The following SEMA3D variants were observed in gnomAD, a reference collection of about 807,000 sequenced individuals.
The protein encoded by SEMA3D is semaphorin 3D.
SEMA3D carries 84 observed loss-of-function variants against 100.1 expected under a neutral mutation model. The ratio of observed to expected loss-of-function variants is 0.84; its 90% CI spans 0.70 to 1.01. The LOEUF (loss-of-function observed/expected upper bound fraction) is 1.01. Ranked by LOEUF, SEMA3D falls within the 50% of genes least tolerant of loss-of-function variation. The pLI is 0.00. For synonymous variants in SEMA3D, 312 were observed against 320.7 expected (o/e 0.97, Z 0.29); for missense variants, 875 against 934.1 (o/e 0.94, Z 0.82).
At chr7:85,171,407 T>C (rs1264261820) in intron 1 of SEMA3D, among the ~76,000 whole-genome samples, 2 of 151,846 alleles carry the variant, frequency 1.3e-5, no homozygotes, top group African/African-American at 2.4e-5. Flanking sequence ...ATGATGGAGC[T>C]AGAAAGGGAA....
chr7:85,126,634 A>G (rs949082207), intron 2 of SEMA3D, among the ~76,000 whole-genome samples: 1 of 151,966 alleles, frequency 6.6e-6, no homozygotes, highest in Admixed American at 6.6e-5. Flanking sequence ...TGCTGCTCCT[A>G]TTTTGAGCTA....
chr7:85,013,241 A>G (rs1480612047), intron 16 of SEMA3D, among the ~76,000 whole-genome samples: 2 of 151,808 alleles, frequency 1.3e-5, no homozygotes, highest in Non-Finnish European at 2.9e-5. Context: ...AAAAGCGTTC[A>G]GTCAGTGGCT....
intron 3 of SEMA3D, among the ~76,000 whole-genome samples, chr7:85,108,599 T>C (rs1435585752): frequency 6.6e-6 from 1 of 152,068 alleles, no homozygotes; most frequent in Non-Finnish European, 1.5e-5. Flanking sequence ...AACTGCAGCT[T>C]GAACCACACC....
At chr7:85,152,922 C>T (rs973144805) in intron 2 of SEMA3D, among the ~76,000 whole-genome samples, 3 of 152,088 alleles carry the variant, frequency 2.0e-5, no homozygotes, top group African/African-American at 7.2e-5. Flanking sequence ...GACACTGTGA[C>T]ATGTTCAAAT....
chr7:85,080,136 A>T (rs899917226), intron 5 of SEMA3D, among the ~76,000 whole-genome samples: 2 of 152,216 alleles, frequency 1.3e-5, no homozygotes, highest in Non-Finnish European at 2.9e-5. Context: ...ATATAAAATC[A>T]GGGGTCACTA....
intron 1 of SEMA3D, among the ~76,000 whole-genome samples, chr7:85,168,960 T>C (rs1791008997): frequency 6.6e-6 from 1 of 151,612 alleles, no homozygotes; most frequent in South Asian, 2.1e-4. Context: ...TTGTGCTCAG[T>C]TGTCCATGTA....
rs1349347855 is a variant in SEMA3D, at chr7:85,101,435, T to C, written c.152-3470A>G. On this transcript the variant is annotated intron_variant, in intron 3 of 18. Coordinates refer to ENST00000284136, the MANE Select transcript of SEMA3D (RefSeq NM_001384900.1). ...AATGAGTAAGAATATGAATTTTAGG[T>C]TCAGGCCACCAGGGCATTATCCTGC... Among the ~76,000 whole-genome samples the C allele has an allele frequency of 2.0e-5, 3 of 152,012 alleles. No individual in the cohort carries two copies. In the East Asian group the frequency reaches 5.8e-4, roughly 29 times the overall value.
intron 4 of SEMA3D, among the ~76,000 whole-genome samples, chr7:85,096,337 G>C: frequency 6.6e-6 from 1 of 151,948 alleles, no homozygotes; most frequent in Middle Eastern, 3.4e-3. Context: ...GATTAGAATG[G>C]AGGACAAACT....
At chr7:85,157,813 C>T (rs1790640854) in intron 1 of SEMA3D, 1 of 162,580 alleles carries the variant, frequency 6.2e-6, no homozygotes, top group South Asian at 2.0e-4. Context: ...AATTCAGGGA[C>T]CCTGAACGTA....
In SEMA3D at chr7:85,005,623, A is replaced by AT. The variant is rs1384262405; in HGVS notation, c.1908+1178dup. Among the ~76,000 whole-genome samples the AT allele has an allele frequency of 2.6e-5, 4 of 152,106 alleles. No individual in the cohort carries two copies. In the East Asian group the frequency reaches 5.8e-4, roughly 22 times the overall value. On this transcript the variant is annotated intron_variant, in intron 18 of 18. Coordinates refer to ENST00000284136, the MANE Select transcript of SEMA3D (RefSeq NM_001384900.1). ...AATTAATTTCTTATGATAAAATTTG[A>AT]TTTTTTTACTTGAAGGTTTCTTAAC...
At chr7:85,064,922 C>A (rs1791574312) in intron 8 of SEMA3D, among the ~76,000 whole-genome samples, 1 of 151,736 alleles carries the variant, frequency 6.6e-6, no homozygotes, top group Non-Finnish European at 1.5e-5. Context: ...ATGTCTTAAC[C>A]CAAGTGTATA....
chr7:85,138,835 C>T (rs904979438), intron 2 of SEMA3D, among the ~76,000 whole-genome samples: 11 of 151,298 alleles, frequency 7.3e-5, no homozygotes, highest in African/African-American at 2.7e-4. Context: ...TGACAGGCCC[C>T]GATGTGTGAT....
chr7:85,121,748 G>C lies in SEMA3D; in HGVS notation c.144C>G (p.Thr48=), dbSNP rs756970653. 3 of 1,562,460 alleles carry C rather than the reference G, an allele frequency of 1.9e-6. No individual in the cohort carries two copies. The highest frequency in any genetic ancestry group is 1.2e-5 in the South Asian group (1 of 85,040). The change falls in exon 3 of 19, where the codon ACC becomes ACG. Residue 48 remains threonine, a synonymous_variant. Transcript: ENST00000284136. ...LKQNIPRLKL[T]YKDLLLSNSC... ...AAATATGTATATATTTACCTTTGTA[G>C]GTTAGCTTGAGTCTTGGAATATTTT...
Position 85,066,607 on chromosome 7 carries a change from T to C in SEMA3D, c.590-1055A>G, listed in dbSNP as rs1791628379. ...TCTACTATTTCAAGAAACTTCTTAG[T>C]CAACCACTTTGCTTTACATTTAATA... On this transcript the variant is annotated intron_variant, in intron 7 of 18. Transcript: ENST00000284136. Among the ~76,000 whole-genome samples the C allele has an allele frequency of 3.3e-5, 5 of 152,104 alleles. No homozygotes were observed. In the South Asian group the frequency reaches 1.0e-3, roughly 31 times the overall value.
chr7:85,037,201 C>A (rs1790724780), intron 11 of SEMA3D, among the ~76,000 whole-genome samples, 168 bp from the exon 12 acceptor site: 1 of 152,238 alleles, frequency 6.6e-6, no homozygotes, highest in South Asian at 2.1e-4. Flanking sequence ...TACAGCCAAG[C>A]AATTCTAAAT....
In SEMA3D at chr7:85,072,700, A is replaced by C. The variant is rs573581833; in HGVS notation, c.495+262T>G. Among the ~76,000 whole-genome samples, 5 of 152,344 alleles carry C rather than the reference A, an allele frequency of 3.3e-5. 1 individual carries two copies. The highest frequency in any genetic ancestry group is 6.8e-3 in the Middle Eastern group (2 of 294). ...AATGGCTAGGAACATGAGTTACTAT[A>C]TCGTTCATAAACTATTCATTTTTTG... On this transcript the variant is annotated intron_variant, in intron 6 of 18. Coordinates refer to ENST00000284136, the MANE Select transcript of SEMA3D (RefSeq NM_001384900.1).
chr7:85,076,875 C>A (rs1251190302), intron 5 of SEMA3D, among the ~76,000 whole-genome samples: 1 of 152,028 alleles, frequency 6.6e-6, no homozygotes, highest in East Asian at 1.9e-4. Flanking sequence ...GTGGGTGGAT[C>A]ATGAGGTCAG....
intron 2 of SEMA3D, among the ~76,000 whole-genome samples, chr7:85,147,125 G>A (rs1790238540): frequency 1.2e-4 from 4 of 33,754 alleles, no homozygotes; most frequent in Admixed American, 5.4e-4. Context: ...TTTTTGAGAC[G>A]GAGTTTTCCT....
At chr7:85,234,410 C>T in the SEMA3D span, among the ~76,000 whole-genome samples, 1 of 152,074 alleles carries the variant, frequency 6.6e-6, no homozygotes, top group South Asian at 2.1e-4. Context: ...ATATTTTTTC[C>T]TCGGGCCAGA....
Sources: allele counts gnomAD v4.1 joint callset (sites outside exome capture counted in the v4.1 genomes callset), GRCh38; gene constraint gnomAD v4.1.1; transcripts MANE v1.5; gene names NCBI Gene and HGNC (gene_info 2026-07-23, HGNC 2026-07-21).